The following TMEM87B variants were observed in gnomAD, a reference collection of about 807,000 sequenced individuals.
The protein encoded by TMEM87B is transmembrane protein 87B.
TMEM87B carries 83 observed loss-of-function variants against 80.3 expected under a neutral mutation model. The ratio of observed to expected loss-of-function variants is 1.03; its 90% CI spans 0.87 to 1.24. The LOEUF (loss-of-function observed/expected upper bound fraction) is 1.24. Ranked by LOEUF, TMEM87B falls within the 50% of genes most tolerant of loss-of-function variation. TMEM87B has a pLI of 0.00. For synonymous variants in TMEM87B, 219 were observed against 230.5 expected (o/e 0.95, Z 0.45); for missense variants, 625 against 674.4 (o/e 0.93, Z 0.81).
At chr2:112,082,298 C>T (rs565185365) in intron 8 of TMEM87B, among the ~76,000 whole-genome samples, 19 of 152,246 alleles carry the variant, frequency 1.2e-4, no homozygotes, top group African/African-American at 4.6e-4. Context: ...TGATCTGTTG[C>T]CCGGTCTAGA....
chr2:112,103,886 G>A (rs941995739), intron 15 of TMEM87B, among the ~76,000 whole-genome samples: 2 of 152,136 alleles, frequency 1.3e-5, no homozygotes, highest in Non-Finnish European at 2.9e-5. Flanking sequence ...TGTGGTATTG[G>A]CATAAGGATA....
intron 1 of TMEM87B, 73 bp from the exon 2 acceptor site, chr2:112,059,904 A>C (rs1201634752): frequency 6.5e-7 from 1 of 1,540,414 alleles, no homozygotes; most frequent in Non-Finnish European, 8.8e-7. Context: ...TTAGAACTCT[A>C]TATGTTGTGG....
chr2:112,061,656 G>A (rs1678262240), intron 2 of TMEM87B, among the ~76,000 whole-genome samples: 1 of 151,696 alleles, frequency 6.6e-6, no homozygotes, highest in Non-Finnish European at 1.5e-5. Flanking sequence ...AAAGTTATAT[G>A]GAAAAAAAAG....
At chr2:112,089,593 CT>C in intron 9 of TMEM87B, 31 bp from the exon 10 acceptor site, 1 of 1,607,278 alleles carries the variant, frequency 6.2e-7, no homozygotes. Context: ...CATGCTTTTT[CT>C]TCTTTCTCTG....
At chr2:112,086,267 T>C (rs1397993683) in intron 9 of TMEM87B, among the ~76,000 whole-genome samples, 163 bp downstream of exon 9, 2 of 152,264 alleles carry the variant, frequency 1.3e-5, no homozygotes, top group African/African-American at 4.8e-5. Context: ...ATACTTGCTA[T>C]TTTATGTTAT....
rs981060616 is a variant in TMEM87B, at chr2:112,060,350, AAAAC to A, written c.226+324_226+327del. The stretch of plus-strand genomic sequence containing the variant: ...GGCGACACAGTGAGACTCTGTCTCA[AAAAC>A]AAACAAACAAGAATAATGAAATACT... On this transcript the variant is annotated intron_variant, in intron 2 of 18. Transcript: ENST00000283206. Among the ~76,000 whole-genome samples the A allele has an allele frequency of 7.2e-5, 11 of 152,224 alleles. No homozygotes were observed. The East Asian group carries it at 9.7e-4, about 13-fold the overall frequency.
chr2:112,096,802 C>T (rs1013902213), intron 11 of TMEM87B, among the ~76,000 whole-genome samples: 4 of 152,156 alleles, frequency 2.6e-5, no homozygotes, highest in African/African-American at 4.8e-5. Context: ...ATGGGTCTTC[C>T]GTGTTTTTTC....
At position 112,089,658 on chromosome 2, in the gene TMEM87B, C is replaced by T. The variant is rs547196638; in HGVS notation, c.972C>T (p.Ile324=). The change falls in exon 10 of 19, where the codon ATC becomes ATT. Residue 324 remains isoleucine, a synonymous_variant. Transcript: ENST00000283206. ...TAGGAACAGTCATGCACCGGGTGAT[C>T]GGACTGGGGCTTCTATACTTAATCT... ...PRLGTVMHRV[I]GLGLLYLIFA... 2.4e-5 allele frequency: 38 copies of T among 1,614,132 alleles called. 1 individual carries two copies. Among genetic ancestry groups the T allele is most frequent in the Middle Eastern group, 1.6e-4 (1 of 6,062 alleles).
intron 11 of TMEM87B, among the ~76,000 whole-genome samples, chr2:112,094,954 T>C (rs1013649214): frequency 2.6e-5 from 4 of 151,548 alleles, no homozygotes; most frequent in African/African-American, 9.7e-5. Flanking sequence ...ACTAAATACG[T>C]ATACAATTGA....
At chr2:112,078,778 C>G (rs185309591) in intron 6 of TMEM87B, among the ~76,000 whole-genome samples, 2 of 152,274 alleles carry the variant, frequency 1.3e-5, no homozygotes, top group African/African-American at 4.8e-5. Context: ...TCAGACAAAA[C>G]CCAACCTAGA....
rs1386510024 is a variant in TMEM87B, at chr2:112,081,211, A to G, written c.654+93A>G. On this transcript the variant is annotated intron_variant, in intron 7 of 18. Coordinates refer to ENST00000283206, the MANE Select transcript of TMEM87B (RefSeq NM_032824.3). ...TAATTCCTCAGTAGTTAATGCTTTGACATATCCTGTATTTCTGGTTCCAGA... is the reference window on the plus strand; with the variant it reads ...TAATTCCTCAGTAGTTAATGCTTTGGCATATCCTGTATTTCTGGTTCCAGA... The G allele has an allele frequency of 4.2e-6, 6 of 1,440,218 alleles. No individual in the cohort carries two copies. The African/African-American group carries it at 8.5e-5, about 20-fold the overall frequency. The allele number at this position is 1,440,218 out of a possible 1,614,324, so 89.2% of individuals were successfully genotyped here.
chr2:112,097,272 G>T lies in TMEM87B; in HGVS notation c.1253G>T (p.Arg418Ile), dbSNP rs1253052919. 2.5e-6 allele frequency: 4 copies of T among 1,606,058 alleles called. No individual in the cohort carries two copies. Among genetic ancestry groups the T allele is most frequent in the South Asian group, 1.1e-5 (1 of 88,728 alleles). Residue 418 changes from arginine to isoleucine, a missense_variant, in exon 13 of 19, where the codon AGA becomes ATA. Physicochemically the swap from Arg to Ile is moderately conservative, Grantham distance 97. Transcript: ENST00000283206. ...VFMGWTTKTF[R>I]IAKCQSDWME... ...ATGGGGTGGACAACTAAGACATTTA[G>T]AATTGCAAAATGCCAATCAGTAAGT...
intron 5 of TMEM87B, among the ~76,000 whole-genome samples, chr2:112,076,318 A>C (rs368874407): frequency 1.3e-5 from 2 of 152,302 alleles, no homozygotes; most frequent in African/African-American, 4.8e-5. Context: ...AATTAGGATA[A>C]AATATGAGAA....
intron 3 of TMEM87B, among the ~76,000 whole-genome samples, chr2:112,065,214 C>G (rs1404053853): frequency 6.6e-6 from 1 of 152,170 alleles, no homozygotes; most frequent in Admixed American, 6.5e-5. Flanking sequence ...TTGGCTTCAT[C>G]TCTAAATATT....
At position 112,116,165 on chromosome 2, in the gene TMEM87B, T is replaced by C. The variant is rs1280145993; in HGVS notation, c.*22T>C. 2.5e-6 allele frequency: 4 copies of C among 1,602,066 alleles called. No individual in the cohort carries two copies. Among genetic ancestry groups the C allele is most frequent in the East Asian group, 2.2e-5 (1 of 44,762 alleles). ...GTGATTGGAACCCGTATAAGAAATG[T>C]AGTTAAGCCTGAAGGACTATCCTTC... On this transcript the variant is annotated 3_prime_UTR_variant, in exon 19 of 19. Coordinates refer to ENST00000283206, the MANE Select transcript of TMEM87B (RefSeq NM_032824.3).
chr2:112,077,159 A>C (rs753396183), intron 5 of TMEM87B, 33 bp from the exon 6 acceptor site: 7 of 1,289,922 alleles, frequency 5.4e-6, no homozygotes, highest in Non-Finnish European at 6.6e-6. Context: ...ATTTGTTAAA[A>C]ATAATGAAGA....
chr2:112,056,961 A>G (rs1678091168), intron 1 of TMEM87B, among the ~76,000 whole-genome samples: 1 of 152,236 alleles, frequency 6.6e-6, no homozygotes, highest in Non-Finnish European at 1.5e-5. Context: ...TTGGAAGTGA[A>G]TCAGTTGCAT....
In TMEM87B at chr2:112,096,401, A is replaced by G. The variant is rs77156391; in HGVS notation, c.1105-643A>G. Among the ~76,000 whole-genome samples, 1,085 of 152,226 alleles carry G rather than the reference A, an allele frequency of 7.1e-3. 12 individuals carry two copies. The highest frequency in any genetic ancestry group is 0.025 in the African/African-American group (1,028 of 41,534). On this transcript the variant is annotated intron_variant, in intron 11 of 18. Transcript: ENST00000283206. ...TTTTTATCCTTGTTTGCTGTGCTCTATAAAAGAAAAACCCTTTTCTGCCTG... is the reference window on the plus strand; with the variant it reads ...TTTTTATCCTTGTTTGCTGTGCTCTGTAAAAGAAAAACCCTTTTCTGCCTG...
In TMEM87B at chr2:112,107,839, G is replaced by C; in HGVS notation, c.1576G>C (p.Val526Leu). The part of the protein sequence containing the change: ...EENIPSSFTD[V>L]ALPVLVDSDE... Reference sequence around the variant, plus strand: ...AAATATTCCCTCTTCATTCACAGATGTGTAAGTTATCTTCTGTTACAGTTT... The same window carrying C: ...AAATATTCCCTCTTCATTCACAGATCTGTAAGTTATCTTCTGTTACAGTTT... Residue 526 changes from valine to leucine, a missense_variant and splice_region_variant, in exon 17 of 19, where the codon GTA becomes CTA. Transcript: ENST00000283206. 1 of 1,581,758 alleles carries C rather than the reference G, an allele frequency of 6.3e-7. No homozygotes were observed. Among genetic ancestry groups the C allele is most frequent in the Non-Finnish European group, 8.7e-7 (1 of 1,155,216 alleles).
Sources: gnomAD v4.1 joint callset for allele counts (sites outside exome capture counted in the v4.1 genomes callset) on GRCh38, gnomAD v4.1.1 for gene constraint, MANE v1.5 for transcripts, NCBI Gene and HGNC (gene_info 2026-07-23, HGNC 2026-07-21) for gene names.